Variants in DYNC1I2 observed in about 807,000 individuals in gnomAD.
The protein encoded by DYNC1I2 is dynein cytoplasmic 1 intermediate chain 2.
In DYNC1I2, 53 loss-of-function variants were observed where a neutral mutation model predicts 88.6. The ratio of observed to expected loss-of-function variants is 0.60; its 90% confidence interval spans 0.48 to 0.75. DYNC1I2 has a LOEUF of 0.75. Among genes scored for constraint, DYNC1I2 ranks in the 30% least tolerant of loss-of-function variants. DYNC1I2 has a pLI of 0.00. For missense variants in DYNC1I2, 458 were observed against 766.6 expected (o/e 0.60, Z 4.75); for synonymous variants, 198 against 254.6 (o/e 0.78, Z 2.12).
intron 7 of DYNC1I2, among the ~76,000 whole-genome samples, chr2:171,720,446 C>CA (rs1292574771): frequency 6.6e-6 from 1 of 152,142 alleles, no homozygotes; most frequent in Non-Finnish European, 1.5e-5. Flanking sequence ...CTGGTTAATA[C>CA]ATCTACCTTA....
intron 5 of DYNC1I2, among the ~76,000 whole-genome samples, chr2:171,710,701 T>TC (rs1687055116): frequency 6.8e-6 from 1 of 147,874 alleles, no homozygotes; most frequent in African/African-American, 2.5e-5. Context: ...CTTTTTTCCT[T>TC]TTTTTTTTTT....
chr2:171,713,412 C>T (rs1687263698), intron 6 of DYNC1I2, among the ~76,000 whole-genome samples: 2 of 149,800 alleles, frequency 1.3e-5, no homozygotes, highest in Admixed American at 6.6e-5. Flanking sequence ...TCTTTTCTTT[C>T]TTCCTTTTAT....
chr2:171,719,681 T>A (rs1259048966), intron 7 of DYNC1I2, among the ~76,000 whole-genome samples: 9 of 152,270 alleles, frequency 5.9e-5, no homozygotes. Context: ...ATTCTTTTTT[T>A]AAATAAAAAT....
At chr2:171,732,603 C>G (rs1340709286) in intron 15 of DYNC1I2, among the ~76,000 whole-genome samples, 1 of 152,176 alleles carries the variant, frequency 6.6e-6, no homozygotes, top group Non-Finnish European at 1.5e-5. Flanking sequence ...TGAGGACTTA[C>G]TGTATTCTAA....
chr2:171,698,715 A>T (rs1283992228), intron 3 of DYNC1I2, among the ~76,000 whole-genome samples: 2 of 151,842 alleles, frequency 1.3e-5, no homozygotes, highest in African/African-American at 4.8e-5. Context: ...TAAAAATACA[A>T]AAAATTAGCC....
intron 7 of DYNC1I2, among the ~76,000 whole-genome samples, chr2:171,725,109 A>G (rs539833597): frequency 6.6e-6 from 1 of 152,344 alleles, no homozygotes; most frequent in Admixed American, 6.5e-5. Context: ...AGCCATCTTT[A>G]TGCCTTATGA....
intron 15 of DYNC1I2, among the ~76,000 whole-genome samples, chr2:171,730,638 A>G (rs1324534174): frequency 6.6e-6 from 1 of 152,190 alleles, no homozygotes; most frequent in African/African-American, 2.4e-5. Context: ...TTTCTGCGGT[A>G]TTAACATTAT....
At chr2:171,697,068 A>G (rs183110201) in intron 3 of DYNC1I2, among the ~76,000 whole-genome samples, 1 of 152,212 alleles carries the variant, frequency 6.6e-6, no homozygotes, top group African/African-American at 2.4e-5. Flanking sequence ...TGGTGCAACC[A>G]TGGCTTGTTA....
At chr2:171,737,979 A>G (rs1689132001) in intron 15 of DYNC1I2, among the ~76,000 whole-genome samples, 1 of 152,044 alleles carries the variant, frequency 6.6e-6, no homozygotes, top group Admixed American at 6.6e-5. Flanking sequence ...GTAAGTTTTA[A>G]TCTAGTTTGC....
chr2:171,707,027 A>AT, intron 4 of DYNC1I2: 1 of 568,500 alleles, frequency 1.8e-6, no homozygotes, highest in South Asian at 2.2e-5. Flanking sequence ...TCCTTCCATA[A>AT]TCTTGCCTTT....
chr2:171,742,243 G>A (rs1307618831), intron 15 of DYNC1I2, among the ~76,000 whole-genome samples: 3 of 151,992 alleles, frequency 2.0e-5, no homozygotes, highest in Admixed American at 2.0e-4. Flanking sequence ...TGTGATTTCA[G>A]CTCACTGCAG....
chr2:171,723,213 A>G (rs1457759271), intron 7 of DYNC1I2, among the ~76,000 whole-genome samples: 1 of 152,162 alleles, frequency 6.6e-6, no homozygotes, highest in Non-Finnish European at 1.5e-5. Flanking sequence ...CGTATAATAC[A>G]ACAAAGTTGA....
intron 15 of DYNC1I2, among the ~76,000 whole-genome samples, chr2:171,732,461 GT>G (rs1266602609): frequency 4.6e-5 from 7 of 152,172 alleles, no homozygotes; most frequent in Admixed American, 4.6e-4. Flanking sequence ...ATTTGATGAT[GT>G]TTTTATCACC....
intron 15 of DYNC1I2, among the ~76,000 whole-genome samples, chr2:171,738,141 G>A (rs904825321): frequency 1.3e-5 from 2 of 152,002 alleles, no homozygotes; most frequent in Admixed American, 1.3e-4. Flanking sequence ...AGACCAGCTT[G>A]GCCAACGTGG....
At chr2:171,744,850 TTAG>T (rs1286009285) in intron 16 of DYNC1I2, among the ~76,000 whole-genome samples, 2 of 152,194 alleles carry the variant, frequency 1.3e-5, no homozygotes, top group Admixed American at 1.3e-4. Context: ...TATATTGCTA[TTAG>T]TAATATAATT....
At chr2:171,734,128 G>A (rs900240694) in intron 15 of DYNC1I2, among the ~76,000 whole-genome samples, 1 of 151,982 alleles carries the variant, frequency 6.6e-6, no homozygotes, top group East Asian at 1.9e-4. Context: ...TTATTTCTGG[G>A]TTCCCTATTC....
chr2:171,692,915 A>G, intron 3 of DYNC1I2, 21 bp downstream of exon 3: 5 of 1,513,552 alleles, frequency 3.3e-6, no homozygotes, highest in Non-Finnish European at 4.5e-6. Context: ...GAATATATCC[A>G]TTTATAAGAG....
chr2:171,731,871 A>C (rs1328371439), intron 15 of DYNC1I2, among the ~76,000 whole-genome samples: 1 of 152,220 alleles, frequency 6.6e-6, no homozygotes, highest in Non-Finnish European at 1.5e-5. Context: ...GATACATAGT[A>C]ATCATACAAA....
rs1371766447 is a variant in DYNC1I2 at position 171,745,095 on chromosome 2, GA to G, written c.1678-706del. On this transcript the variant is annotated intron_variant, in intron 16 of 17. Coordinates refer to ENST00000397119, the MANE Select transcript of DYNC1I2 (RefSeq NM_001378.3). ...GGGGATGACTAGTACAAATTAGAAG[GA>G]TTTTTTTGTCAAATTTCAAAATTTT... is the stretch of plus-strand genomic sequence containing the variant. Among the ~76,000 whole-genome samples, 6 of 152,216 alleles carry G rather than the reference GA, an allele frequency of 3.9e-5. No individual in the cohort carries two copies. The East Asian group carries it at 1.2e-3, about 29-fold the overall frequency.
Sources: allele counts gnomAD v4.1 joint callset (sites outside exome capture counted in the v4.1 genomes callset), GRCh38; gene constraint gnomAD v4.1.1; transcripts MANE v1.5; gene names NCBI Gene and HGNC (gene_info 2026-07-23, HGNC 2026-07-21).